Variants in LARP4 observed in about 807,000 individuals in gnomAD.
LARP4 encodes La ribonucleoprotein 4.
LARP4 carries 29 observed loss-of-function variants against 92.9 expected under a neutral mutation model. The ratio of observed to expected loss-of-function variants is 0.31; its 90% CI spans 0.23 to 0.43. The LOEUF (loss-of-function observed/expected upper bound fraction) is 0.43, where lower values mean the gene tolerates loss of function less well. Ranked by LOEUF, LARP4 falls within the 20% of genes least tolerant of loss-of-function variation. The pLI is 1.00. For synonymous variants in LARP4, 279 were observed against 284.1 expected (o/e 0.98, Z 0.18); for missense variants, 732 against 860.0 (o/e 0.85, Z 1.86).
chr12:50,437,005 A>G (rs1175258495), intron 5 of LARP4, among the ~76,000 whole-genome samples: 2 of 152,202 alleles, frequency 1.3e-5, no homozygotes, highest in African/African-American at 4.8e-5. Flanking sequence ...GTCTGCATTA[A>G]AAGTTGGCAA....
chr12:50,446,459 G>A (rs78106846), intron 8 of LARP4, among the ~76,000 whole-genome samples: 2 of 102,702 alleles, frequency 1.9e-5, no homozygotes, highest in African/African-American at 3.7e-5. Flanking sequence ...ACGGAGTCTC[G>A]CTCTGTTATC....
At chr12:50,433,819 T>C (rs547136983) in intron 4 of LARP4, among the ~76,000 whole-genome samples, 20 of 152,230 alleles carry the variant, frequency 1.3e-4, no homozygotes, top group African/African-American at 3.9e-4. Flanking sequence ...TTTGTGTTTT[T>C]AGTAGAGACG....
Position 50,425,008 on chromosome 12 carries a change from G to A in LARP4, c.19-2754G>A, listed in dbSNP as rs1439729238. Among the ~76,000 whole-genome samples, 5 of 152,138 alleles carry A rather than the reference G, an allele frequency of 3.3e-5. No individual in the cohort carries two copies. The East Asian group carries it at 5.8e-4, about 18-fold the overall frequency. On this transcript the variant is annotated intron_variant, in intron 1 of 15. Coordinates refer to ENST00000398473, the MANE Select transcript of LARP4 (RefSeq NM_052879.5). ...CTAAAAACACAAAAATTTGCCCAAC[G>A]TGGTGCCGGGCACCTGTAATCCCAG...
chr12:50,454,136 A>C (rs371973654), intron 9 of LARP4, among the ~76,000 whole-genome samples, 178 bp from the exon 10 acceptor site: 1 of 152,224 alleles, frequency 6.6e-6, no homozygotes, highest in East Asian at 1.9e-4. Context: ...CTAAGTTATG[A>C]ATTGTTCATA....
intron 1 of LARP4, among the ~76,000 whole-genome samples, chr12:50,418,242 T>C (rs1273022921): frequency 6.6e-6 from 1 of 152,166 alleles, no homozygotes; most frequent in Non-Finnish European, 1.5e-5. Context: ...CTCAAGTGGA[T>C]CCACCAACCT....
intron 10 of LARP4, among the ~76,000 whole-genome samples, chr12:50,460,137 CAA>C (rs201843418): frequency 3.5e-4 from 41 of 117,468 alleles, no homozygotes; most frequent in Admixed American, 3.4e-4. Context: ...TCCATCTCAC[CAA>C]AAAAAAAAAA....
chr12:50,463,546 CA>C (rs1369898651), intron 12 of LARP4, among the ~76,000 whole-genome samples: 1 of 151,878 alleles, frequency 6.6e-6, no homozygotes, highest in Non-Finnish European at 1.5e-5. Flanking sequence ...CAGATTGTGC[CA>C]CTGCACTCCA....
In LARP4 at chr12:50,454,386, A is replaced by T; in HGVS notation, c.1090A>T (p.Met364Leu). 6.2e-7 allele frequency: 1 copy of T among 1,613,566 alleles called. No homozygotes were observed. Among genetic ancestry groups the T allele is most frequent in the Non-Finnish European group, 8.5e-7 (1 of 1,179,852 alleles). ...PGSYKTNAAA[M>L]NMGRPFQKNR... ...ATCTTATAAAACAAATGCTGCTGCT[A>T]TGAATATGGGTCGACCATTCCAAAA... The change falls in exon 10 of 16, where the codon ATG becomes TTG. Residue 364 changes from methionine (M) to leucine (L), a missense_variant. By Grantham distance (15) the Met-to-Leu change is conservative. Around this residue, in one of 7 missense-constraint regions of LARP4, gnomAD observed 264 missense variants for 269.5 expected, o/e 0.98. Coordinates refer to ENST00000398473, the MANE Select transcript of LARP4 (RefSeq NM_052879.5).
chr12:50,433,496 A>G (rs1276569512), intron 4 of LARP4, among the ~76,000 whole-genome samples: 1 of 152,142 alleles, frequency 6.6e-6, no homozygotes, highest in African/African-American at 2.4e-5. Context: ...TTTACTTCTG[A>G]CAAGGTACAG....
intron 8 of LARP4, among the ~76,000 whole-genome samples, chr12:50,449,208 AC>A (rs751450832): frequency 3.3e-5 from 5 of 152,110 alleles, no homozygotes; most frequent in Non-Finnish European, 7.4e-5. Flanking sequence ...ACACCACTGC[AC>A]CCCCAACATT....
At chr12:50,463,101 C>T (rs888029952) in intron 12 of LARP4, among the ~76,000 whole-genome samples, 9 of 151,970 alleles carry the variant, frequency 5.9e-5, no homozygotes, top group East Asian at 1.9e-4. Context: ...AATCATGGCT[C>T]ACTGCAGCCT....
At chr12:50,439,644 A>G (rs1304434862) in intron 6 of LARP4, among the ~76,000 whole-genome samples, 2 of 151,976 alleles carry the variant, frequency 1.3e-5, no homozygotes, top group Non-Finnish European at 2.9e-5. Context: ...CAATTCCCCT[A>G]CTTCAATCTC....
chr12:50,401,301 G>A, intron 1 of LARP4: 2 of 508,910 alleles, frequency 3.9e-6, no homozygotes, highest in South Asian at 2.0e-5. Context: ...AGAGGAAGGG[G>A]AAAGTGTCCC....
intron 12 of LARP4, among the ~76,000 whole-genome samples, chr12:50,465,947 G>A (rs915249172): frequency 7.9e-5 from 12 of 151,882 alleles, no homozygotes; most frequent in Non-Finnish European, 1.3e-4. Flanking sequence ...ATAACCAAAT[G>A]GAAACCATCA....
At chr12:50,417,332 G>A (rs1946987119) in intron 1 of LARP4, among the ~76,000 whole-genome samples, 1 of 147,658 alleles carries the variant, frequency 6.8e-6, no homozygotes, top group African/African-American at 2.6e-5. Context: ...CCGAGATCGT[G>A]TCACTGCGCT....
intron 10 of LARP4, among the ~76,000 whole-genome samples, chr12:50,459,228 A>C (rs1431545603): frequency 2.0e-5 from 3 of 152,012 alleles, no homozygotes; most frequent in Non-Finnish European, 4.4e-5. Flanking sequence ...AGAACTCCTG[A>C]CCTCAGGTGA....
At chr12:50,445,966 A>G (rs1191937586) in intron 8 of LARP4, among the ~76,000 whole-genome samples, 2 of 148,154 alleles carry the variant, frequency 1.3e-5, no homozygotes, top group Non-Finnish European at 3.0e-5. Context: ...ATGCCCTGAA[A>G]TATTTCTTTC....
intron 5 of LARP4, among the ~76,000 whole-genome samples, chr12:50,436,322 A>G (rs1465483019): frequency 6.6e-6 from 1 of 152,004 alleles, no homozygotes; most frequent in Non-Finnish European, 1.5e-5. Flanking sequence ...CGGCCTATAT[A>G]CAGCTTCTGT....
At chr12:50,435,376 A>G in intron 4 of LARP4, 112 bp from the exon 5 acceptor site, 4 of 683,048 alleles carry the variant, frequency 5.9e-6, no homozygotes, top group South Asian at 1.9e-5. Flanking sequence ...GTTATTTCTG[A>G]TAGAATAATC....
Sources: gnomAD v4.1 joint callset for allele counts (sites outside exome capture counted in the v4.1 genomes callset) on GRCh38, gnomAD v4.1.1 for gene constraint, gnomAD v4.1.1 regional missense constraint, MANE v1.5 for transcripts, NCBI Gene and HGNC (gene_info 2026-07-23, HGNC 2026-07-21) for gene names.